The following MINDY2 variants were observed in gnomAD, a reference collection of about 807,000 sequenced individuals.
MINDY2 encodes the protein MINDY lysine 48 deubiquitinase 2, also known as ubiquitin carboxyl-terminal hydrolase MINDY-2.
Under a neutral mutation model 68.2 loss-of-function variants are expected in MINDY2, and 52 were observed. The observed-to-expected ratio is 0.76, with a 90% CI of 0.61 to 0.96. MINDY2 has a LOEUF of 0.96. Ranked by LOEUF, MINDY2 falls within the 40% of genes least tolerant of loss-of-function variation. The pLI is 0.00. For missense variants in MINDY2, 881 were observed against 773.4 expected, an observed-to-expected ratio of 1.14 and a Z score of -1.65; for synonymous variants, 372 against 303.0, an observed-to-expected ratio of 1.23 and a Z score of -2.36.
At chr15:58,820,528 T>G (rs2030992353) in intron 4 of MINDY2, among the ~76,000 whole-genome samples, 1 of 152,190 alleles carries the variant, frequency 6.6e-6, no homozygotes, top group Non-Finnish European at 1.5e-5. Flanking sequence ...ATTAACTGAT[T>G]GTTTACTCAA....
chr15:58,786,612 T>C (rs1238608739), intron 1 of MINDY2, among the ~76,000 whole-genome samples: 5 of 152,146 alleles, frequency 3.3e-5, no homozygotes, highest in Admixed American at 1.3e-4. Context: ...TTGTGAAATA[T>C]AACACATAGA....
At chr15:58,779,037 C>G (rs1900963923) in intron 1 of MINDY2, among the ~76,000 whole-genome samples, 1 of 151,098 alleles carries the variant, frequency 6.6e-6, no homozygotes, top group Non-Finnish European at 1.5e-5. Flanking sequence ...ATTAAGATTA[C>G]AGGCGTGAGC....
Position 58,851,929 on chromosome 15 carries a change from AGCAGCTGCT to A in MINDY2, c.1704_1712del (p.Ala572_Ala574del), listed in dbSNP as rs1373574656. On this transcript the variant is annotated inframe_deletion, in exon 8 of 9. Transcript: ENST00000559228. ...AATACTATCAGGAACAGGAACAAGC[AGCAGCTGCT>A]GCTGCTGCTGCTTCTACACAGGCTC... The A allele has an allele frequency of 6.3e-7, 1 of 1,592,882 alleles. No individual in the cohort carries two copies.
chr15:58,834,324 A>C (rs142200512), intron 6 of MINDY2, among the ~76,000 whole-genome samples: 2 of 152,216 alleles, frequency 1.3e-5, no homozygotes, highest in African/African-American at 4.8e-5. Context: ...CCCTGTTTGG[A>C]AAGGTCTTCT....
intron 3 of MINDY2, among the ~76,000 whole-genome samples, chr15:58,804,679 C>T (rs905014218): frequency 1.4e-4 from 21 of 152,032 alleles, no homozygotes; most frequent in Admixed American, 6.6e-4. Context: ...TGGTGGCACA[C>T]GCCTATAGTC....
intron 1 of MINDY2, among the ~76,000 whole-genome samples, chr15:58,772,841 A>T (rs1384360332): frequency 3.9e-5 from 6 of 152,150 alleles, no homozygotes; most frequent in Non-Finnish European, 7.4e-5. Flanking sequence ...TACTTGCCTC[A>T]TTTCTTTGGC....
Position 58,861,001 on chromosome 15 carries a change from CA to C in MINDY2, c.*6392del, listed in dbSNP as rs1197412096. 1 of 152,072 alleles carries C rather than the reference CA, an allele frequency of 6.6e-6. No individual in the cohort carries two copies. The highest frequency in any genetic ancestry group is 2.4e-5 in the African/African-American group (1 of 41,426). The allele number at this position is 152,072 out of a possible 1,614,324, so 9.4% of individuals were successfully genotyped here. ...ACACATTACAAGTAGGACAGTATAA[CA>C]GGAGATTGGTGTGTGAATGCTACAA... is the stretch of plus-strand genomic sequence containing the variant. On this transcript the variant is annotated 3_prime_UTR_variant, in exon 9 of 9. Coordinates refer to ENST00000559228, the MANE Select transcript of MINDY2 (RefSeq NM_001040450.3).
Position 58,859,567 on chromosome 15 carries a change from C to T in MINDY2, c.*4957C>T, listed in dbSNP as rs1466606464. The T allele has an allele frequency of 6.6e-6, 1 of 152,106 alleles. No individual in the cohort carries two copies. Among genetic ancestry groups the T allele is most frequent in the African/African-American group, 2.4e-5 (1 of 41,420 alleles). The allele number at this position is 152,106 out of a possible 1,614,324, so 9.4% of individuals were successfully genotyped here. ...AACACCTCTAAGATTGTTGAGAAAA[C>T]ATGAAGAATTGAGGTTACTCTTCTC... On this transcript the variant is annotated 3_prime_UTR_variant, in exon 9 of 9. Transcript: ENST00000559228.
At chr15:58,849,551 T>C (rs1272829755) in intron 7 of MINDY2, among the ~76,000 whole-genome samples, 1 of 151,936 alleles carries the variant, frequency 6.6e-6, no homozygotes, top group Admixed American at 6.6e-5. Context: ...GAGTGATAGA[T>C]TGTCACAGTA....
chr15:58,805,652 A>G (rs1309976216), intron 3 of MINDY2, among the ~76,000 whole-genome samples: 1 of 152,248 alleles, frequency 6.6e-6, no homozygotes, highest in East Asian at 1.9e-4. Flanking sequence ...AAGCAACCAT[A>G]GCTCACATTT....
At chr15:58,786,165 A>T (rs1901483883) in intron 1 of MINDY2, among the ~76,000 whole-genome samples, 1 of 152,202 alleles carries the variant, frequency 6.6e-6, no homozygotes, top group African/African-American at 2.4e-5. Flanking sequence ...AACTTATTTT[A>T]CTTGTTGATT....
chr15:58,796,737 G>C (rs1355559201), intron 2 of MINDY2, among the ~76,000 whole-genome samples: 1 of 152,140 alleles, frequency 6.6e-6, no homozygotes, highest in Non-Finnish European at 1.5e-5. Flanking sequence ...TGGCCGGGCT[G>C]GTCTTGAATT....
intron 2 of MINDY2, among the ~76,000 whole-genome samples, chr15:58,797,281 C>T (rs1902344839): frequency 6.6e-6 from 1 of 152,098 alleles, no homozygotes; most frequent in African/African-American, 2.4e-5. Flanking sequence ...CTGAGGCAGG[C>T]AGATCACTTG....
chr15:58,829,725 A>G (rs2031611705), intron 5 of MINDY2, among the ~76,000 whole-genome samples: 2 of 152,242 alleles, frequency 1.3e-5, no homozygotes, highest in Admixed American at 1.3e-4. Context: ...AGTTGCAAGT[A>G]TTCAATGAAT....
chr15:58,843,323 G>T (rs1481432818), intron 6 of MINDY2, among the ~76,000 whole-genome samples: 1 of 152,016 alleles, frequency 6.6e-6, no homozygotes, highest in African/African-American at 2.4e-5. Context: ...CTAACTTTTT[G>T]TATTTTTAGT....
chr15:58,841,605 A>G (rs558161225), intron 6 of MINDY2, among the ~76,000 whole-genome samples: 1 of 151,828 alleles, frequency 6.6e-6, no homozygotes, highest in South Asian at 2.1e-4. Context: ...CAGTTTCACC[A>G]TGTTCGTCAG....
At chr15:58,851,401 TTTG>T (rs1446115167) in intron 7 of MINDY2, among the ~76,000 whole-genome samples, 1 of 152,144 alleles carries the variant, frequency 6.6e-6, no homozygotes, top group African/African-American at 2.4e-5. Flanking sequence ...TTTTAATTAT[TTTG>T]TTATTTTATA....
chr15:58,814,754 C>G (rs2030561167), intron 4 of MINDY2, among the ~76,000 whole-genome samples: 2 of 146,342 alleles, frequency 1.4e-5, no homozygotes, highest in Admixed American at 6.8e-5. Context: ...GCACAAATCT[C>G]TTGTCAGATA....
At position 58,822,215 on chromosome 15, in the gene MINDY2, C is replaced by T. The variant is rs184874856; in HGVS notation, c.1225+396C>T. Among the ~76,000 whole-genome samples the T allele has an allele frequency of 2.1e-3, 322 of 151,618 alleles. 8 individuals carry two copies. Among genetic ancestry groups the T allele is most frequent in the Middle Eastern group, 6.8e-3 (2 of 292 alleles). ...GTTGTAGTGAGCCGAGATTGCGCCGCTGTACTCCACCCTGGGCAACAGAGT... is the reference window on the plus strand; with the variant it reads ...GTTGTAGTGAGCCGAGATTGCGCCGTTGTACTCCACCCTGGGCAACAGAGT... On this transcript the variant is annotated intron_variant, in intron 5 of 8. Coordinates refer to ENST00000559228, the MANE Select transcript of MINDY2 (RefSeq NM_001040450.3).
Sources: allele counts gnomAD v4.1 joint callset (sites outside exome capture counted in the v4.1 genomes callset), GRCh38; gene constraint gnomAD v4.1.1; transcripts MANE v1.5; gene names NCBI Gene and HGNC (gene_info 2026-07-23, HGNC 2026-07-21).